The following HFM1 variants were observed in gnomAD, a reference collection of about 807,000 sequenced individuals.
HFM1 encodes the protein helicase for meiosis 1.
Under a neutral mutation model 192.1 loss-of-function variants are expected in HFM1, and 169 were observed. The observed-to-expected ratio is 0.88, with a 90% CI of 0.78 to 1.00. HFM1 has a LOEUF of 1.00. HFM1 is among the 50% of genes least tolerant of loss of function. The pLI is 0.00. For synonymous variants in HFM1, 525 were observed against 537.8 expected (o/e 0.98, Z 0.33); for missense variants, 1,661 against 1,668.0 (o/e 1.00, Z 0.07).
intron 16 of HFM1, among the ~76,000 whole-genome samples, chr1:91,352,027 T>C (rs998011978): frequency 2.6e-5 from 4 of 151,896 alleles, no homozygotes; most frequent in Non-Finnish European, 5.9e-5. Context: ...GTTCCCATAA[T>C]ACCTATAAAA....
At chr1:91,349,515 C>T (rs951899925) in intron 18 of HFM1, among the ~76,000 whole-genome samples, 3 of 152,142 alleles carry the variant, frequency 2.0e-5, no homozygotes, top group Non-Finnish European at 4.4e-5. Context: ...TCAGATCATT[C>T]ATCCTGAGAA....
At chr1:91,314,540 G>T (rs1195836480) in intron 28 of HFM1, among the ~76,000 whole-genome samples, 1 of 152,048 alleles carries the variant, frequency 6.6e-6, no homozygotes, top group Non-Finnish European at 1.5e-5. Context: ...TTACAGGTGT[G>T]AGCCACTCCA....
At chr1:91,294,817 A>G (rs1647274229) in intron 30 of HFM1, among the ~76,000 whole-genome samples, 1 of 152,206 alleles carries the variant, frequency 6.6e-6, no homozygotes, top group Non-Finnish European at 1.5e-5. Flanking sequence ...ATTCCAAAAT[A>G]CATCTTTTGG....
chr1:91,313,709 C>T (rs281987), intron 29 of HFM1, among the ~76,000 whole-genome samples: 151,899 of 152,084 alleles, frequency 1, 75,857 homozygotes, highest in Non-Finnish European at 1. Context: ...ATAACTGCAA[C>T]TTAACTATCT....
At chr1:91,358,403 T>C (rs1658031731) in intron 13 of HFM1, among the ~76,000 whole-genome samples, 1 of 152,038 alleles carries the variant, frequency 6.6e-6, no homozygotes, top group Non-Finnish European at 1.5e-5. Context: ...AAAATTATAC[T>C]ACAAAGCTGG....
In HFM1 at chr1:91,300,241, C is replaced by T. The variant is rs141510624; in HGVS notation, c.3391+13108G>A. Among the ~76,000 whole-genome samples the T allele has an allele frequency of 4.6e-3, 696 of 151,412 alleles. 4 individuals are homozygous for T. Among genetic ancestry groups the T allele is most frequent in the Non-Finnish European group, 7.7e-3 (523 of 67,800 alleles). On this transcript the variant is annotated intron_variant, in intron 30 of 38. Transcript: ENST00000370425. ...CTCCCAAGACTAAACCAGGAAGAAG[C>T]TGAATCTCTGAATAGACCAATAACA...
chr1:91,278,482 T>C (rs1667161455), intron 30 of HFM1, among the ~76,000 whole-genome samples: 2 of 152,074 alleles, frequency 1.3e-5, no homozygotes, highest in African/African-American at 4.8e-5. Flanking sequence ...AAATCACCGA[T>C]TGTAAGAGCT....
intron 30 of HFM1, among the ~76,000 whole-genome samples, chr1:91,278,638 G>A (rs1667176040): frequency 6.6e-6 from 1 of 152,122 alleles, no homozygotes; most frequent in Non-Finnish European, 1.5e-5. Context: ...TCCAAGTCAT[G>A]GCACGTCTAG....
At chr1:91,392,538 T>C (rs1008991677) in intron 4 of HFM1, among the ~76,000 whole-genome samples, 2 of 152,124 alleles carry the variant, frequency 1.3e-5, no homozygotes, top group African/African-American at 4.8e-5. Context: ...TAGATGGGAA[T>C]TGAACAATGA....
chr1:91,406,653 C>T (rs1664825328), upstream of HFM1, among the ~76,000 whole-genome samples: 2 of 152,146 alleles, frequency 1.3e-5, no homozygotes, highest in Non-Finnish European at 2.9e-5. Flanking sequence ...ACCAGTGCAA[C>T]AATGTCATAA....
At chr1:91,283,123 G>A (rs142243063) in intron 30 of HFM1, among the ~76,000 whole-genome samples, 12 of 152,184 alleles carry the variant, frequency 7.9e-5, no homozygotes, top group African/African-American at 2.6e-4. Context: ...GAAAATAAAA[G>A]TGCTCCCTTT....
intron 13 of HFM1, among the ~76,000 whole-genome samples, chr1:91,367,812 G>GGAGGAAGTTTGAACCCATGGC (rs1659581402): frequency 1.3e-5 from 2 of 152,070 alleles, no homozygotes; most frequent in African/African-American, 4.8e-5. Context: ...CCAAGCTAAA[G>GGAGGAAGTTTGAACCCATGGC]GAGGAAGTTT....
chr1:91,346,322 T>C (rs1398295859), intron 19 of HFM1, among the ~76,000 whole-genome samples: 1 of 152,192 alleles, frequency 6.6e-6, no homozygotes, highest in Non-Finnish European at 1.5e-5. Context: ...CTTGAGTGTA[T>C]TTGATCATTA....
upstream of HFM1, among the ~76,000 whole-genome samples, chr1:91,405,886 T>C (rs1664781472): frequency 6.6e-6 from 1 of 152,220 alleles, no homozygotes; most frequent in Non-Finnish European, 1.5e-5. Flanking sequence ...GAATTATCAT[T>C]CCTCTCAAAA....
intron 30 of HFM1, among the ~76,000 whole-genome samples, chr1:91,290,504 T>C (rs1668618977): frequency 2.6e-5 from 4 of 152,120 alleles, no homozygotes; most frequent in South Asian, 2.1e-4. Flanking sequence ...GAGCTAACTA[T>C]CCTAAATATA....
At chr1:91,378,832 T>A (rs1020689099) in intron 9 of HFM1, among the ~76,000 whole-genome samples, 8 of 152,100 alleles carry the variant, frequency 5.3e-5, no homozygotes, top group Admixed American at 2.6e-4. Flanking sequence ...GTATCCACAA[T>A]AACAAACTGC....
At chr1:91,339,000 A>G (rs1654979306) in intron 20 of HFM1, 1 of 455,706 alleles carries the variant, frequency 2.2e-6, no homozygotes, top group South Asian at 1.5e-5. Context: ...GCCCAGGAGC[A>G]CTGAGCTGAG....
intron 13 of HFM1, among the ~76,000 whole-genome samples, chr1:91,371,093 G>A (rs1414791616): frequency 6.6e-6 from 1 of 151,606 alleles, no homozygotes; most frequent in African/African-American, 2.4e-5. Flanking sequence ...AATAAAAGAG[G>A]ATACAAACAA....
chr1:91,371,069 C>A (rs1660115300), intron 13 of HFM1, among the ~76,000 whole-genome samples: 1 of 151,318 alleles, frequency 6.6e-6, no homozygotes, highest in Non-Finnish European at 1.5e-5. Flanking sequence ...GAACTACAAA[C>A]CACTGCTCAA....
Sources: allele counts gnomAD v4.1 joint callset (sites outside exome capture counted in the v4.1 genomes callset), GRCh38; gene constraint gnomAD v4.1.1; transcripts MANE v1.5; gene names NCBI Gene and HGNC (gene_info 2026-07-23, HGNC 2026-07-21).